AHNAK: variants seen among roughly 807,000 people sequenced by gnomAD.
The protein encoded by AHNAK is AHNAK nucleoprotein, also known as neuroblast differentiation-associated protein AHNAK.
In AHNAK, 23 loss-of-function variants were observed where a neutral mutation model predicts 37.8. The observed-to-expected ratio is 0.61, with a 90% CI of 0.44 to 0.86. The LOEUF is 0.86. Among genes scored for constraint, AHNAK ranks in the 40% least tolerant of loss-of-function variants. The pLI is 0.00. For synonymous variants in AHNAK, 2,481 were observed against 2,636.3 expected (o/e 0.94, Z 1.80); for missense variants, 7,411 against 7,319.4 (o/e 1.01, Z -0.46).
intron 4 of AHNAK, among the ~76,000 whole-genome samples, chr11:62,505,178 C>T (rs1024508364): frequency 7.9e-5 from 12 of 152,222 alleles, no homozygotes; most frequent in African/African-American, 2.6e-4. Flanking sequence ...TCAGCAGCTT[C>T]CCGACAGCCC....
chr11:62,535,007 A>G lies in AHNAK; in HGVS notation c.338T>C (p.Val113Ala). 1 of 1,607,028 alleles carries G rather than the reference A, an allele frequency of 6.2e-7. No individual in the cohort carries two copies. The highest frequency in any genetic ancestry group is 8.5e-7 in the Non-Finnish European group (1 of 1,174,680). ...ATGGGCCGGCGAGGTACTCACCAGA[A>G]CCACTTCAGAGCTGCAGGAGCTGAA... is the stretch of plus-strand genomic sequence containing the variant. ...EVFSSCSSEVVLSGDDEEYQR... is the reference protein window; with the variant it reads ...EVFSSCSSEVALSGDDEEYQR... Residue 113 changes from valine to alanine, a missense_variant, in exon 4 of 5, where the codon GTT (valine) becomes GCT (alanine). Val to Ala is a moderately conservative substitution (Grantham distance 64). Coordinates refer to ENST00000378024, the MANE Select transcript of AHNAK (RefSeq NM_001620.3).
intron 5 of AHNAK, among the ~76,000 whole-genome samples, chr11:62,467,134 G>T (rs1279979305): frequency 6.6e-6 from 1 of 150,876 alleles, no homozygotes; most frequent in Non-Finnish European, 1.5e-5. Context: ...AGCCCAGGAG[G>T]CAGAGAGGCA....
chr11:62,506,641 A>G (rs1238611183), intron 4 of AHNAK, among the ~76,000 whole-genome samples: 2 of 152,216 alleles, frequency 1.3e-5, no homozygotes, highest in East Asian at 1.9e-4. Context: ...GCAGGACGCC[A>G]TGGGCTTAGC....
Position 62,525,021 on chromosome 11 carries a change from C to A in AHNAK, c.9396G>T (p.Val3132=). ...CATCCACATCTGGGGCATTAATATC[C>A]ACTTTGGGGCCTTTAATATCCACGT... The part of the protein sequence containing the change: ...VPDVDIKGPK[V]DINAPDVDVQ... Residue 3132 remains valine, a synonymous_variant, in exon 5 of 5, where the codon GTG becomes GTT. Transcript: ENST00000378024. 6.2e-7 allele frequency: 1 copy of A among 1,613,224 alleles called. No individual in the cohort carries two copies. Among genetic ancestry groups the A allele is most frequent in the Admixed American group, 1.7e-5 (1 of 59,880 alleles).
At chr11:62,484,939 G>A (rs545402640) in intron 5 of AHNAK, among the ~76,000 whole-genome samples, 1 of 152,206 alleles carries the variant, frequency 6.6e-6, no homozygotes, top group East Asian at 1.9e-4. Flanking sequence ...ACAGGCACGC[G>A]CCACCACACC....
chr11:62,494,904 G>A (rs541834839), intron 4 of AHNAK, among the ~76,000 whole-genome samples: 1 of 151,274 alleles, frequency 6.6e-6, no homozygotes, highest in Non-Finnish European at 1.5e-5. Flanking sequence ...GGAGGCTGAG[G>A]CACGAGAATC....
intron 5 of AHNAK, among the ~76,000 whole-genome samples, chr11:62,451,949 A>G (rs966949430): frequency 6.6e-6 from 1 of 150,614 alleles, no homozygotes; most frequent in Admixed American, 6.6e-5. Flanking sequence ...CTGGGATTAC[A>G]GGCACCCGCC....
In AHNAK at chr11:62,522,201, T is replaced by C. The variant is rs1390066481; in HGVS notation, c.12216A>G (p.Gly4072=). ...CCACTTCTGGGCCCTCTCCTTTAAATCCTGGCATGCTGAATTTGGGCATTT... is the reference window on the plus strand; with the variant it reads ...CCACTTCTGGGCCCTCTCCTTTAAACCCTGGCATGCTGAATTTGGGCATTT... ...KVKMPKFSMP[G]FKGEGPEVDV... Residue 4072 remains glycine, a synonymous_variant, in exon 5 of 5, where the codon GGA becomes GGG. Transcript: ENST00000378024. 1 of 1,610,296 alleles carries C rather than the reference T, an allele frequency of 6.2e-7. No homozygotes were observed. Among genetic ancestry groups the C allele is most frequent in the East Asian group, 2.2e-5 (1 of 44,624 alleles).
At position 62,516,071 on chromosome 11, in the gene AHNAK, C is replaced by G; in HGVS notation, c.*673G>C. 1.6e-6 allele frequency: 2 copies of G among 1,217,714 alleles called. No individual in the cohort carries two copies. Among genetic ancestry groups the G allele is most frequent in the Non-Finnish European group, 1.0e-6 (1 of 952,648 alleles). The allele number at this position is 1,217,714 out of a possible 1,614,324, so 75.4% of individuals were successfully genotyped here. ...CGGCATGAAGGAAACAGTTCCCTTA[C>G]AAAACACAGAAAATGGAAGCCCCTC... On this transcript the variant is annotated 3_prime_UTR_variant, in exon 5 of 5. Coordinates refer to ENST00000378024, the MANE Select transcript of AHNAK (RefSeq NM_001620.3).
rs545616012 is a variant in AHNAK at position 62,466,969 on chromosome 11, T to C, written c.442+24763A>G. On this transcript the variant is annotated intron_variant, in intron 5 of 5. Transcript: ENST00000257247. ...ACTCATTATGATCCCTAAGTATCTCTTTTAAAAGACCTGGTTTACTTGGTT... is the reference window on the plus strand; with the variant it reads ...ACTCATTATGATCCCTAAGTATCTCCTTTAAAAGACCTGGTTTACTTGGTT... Among the ~76,000 whole-genome samples, 12 of 152,346 alleles carry C rather than the reference T, an allele frequency of 7.9e-5. 1 individual carries two copies. In the South Asian group the frequency reaches 2.5e-3, roughly 32 times the overall value.
chr11:62,538,290 C>G (rs570661312), intron 1 of AHNAK, among the ~76,000 whole-genome samples: 44 of 152,266 alleles, frequency 2.9e-4, no homozygotes, highest in Admixed American at 1.8e-3. Context: ...TCAGGCCTCC[C>G]GGCTGCCACA....
intron 5 of AHNAK, among the ~76,000 whole-genome samples, chr11:62,450,252 G>C (rs1938507589): frequency 6.6e-6 from 1 of 151,928 alleles, no homozygotes; most frequent in Admixed American, 6.6e-5. Context: ...CTGCCTCCTG[G>C]GTTCAAGCAA....
chr11:62,478,010 G>A (rs907003990), intron 5 of AHNAK, among the ~76,000 whole-genome samples: 9 of 152,058 alleles, frequency 5.9e-5, no homozygotes, highest in East Asian at 1.9e-4. Flanking sequence ...GGTGAAGCCC[G>A]GGACCTGTAC....
Position 62,527,595 on chromosome 11 carries a change from G to A in AHNAK, c.6822C>T (p.Val2274=), listed in dbSNP as rs767136709. 1.2e-6 allele frequency: 2 copies of A among 1,613,522 alleles called. No homozygotes were observed. The highest frequency in any genetic ancestry group is 1.7e-6 in the Non-Finnish European group (2 of 1,179,956). Residue 2274 remains valine (V), a synonymous_variant, in exon 5 of 5, where the codon GTC becomes GTT. Transcript: ENST00000378024. ...CTTCAACATCCACCTTGGGTCCTGAGACATCAACGTCAGCCTTGGGCAAGT... is the reference window on the plus strand; with the variant it reads ...CTTCAACATCCACCTTGGGTCCTGAAACATCAACGTCAGCCTTGGGCAAGT... ...DVNLPKADVD[V]SGPKVDVEVP...
intron 5 of AHNAK, among the ~76,000 whole-genome samples, chr11:62,474,477 G>A (rs1043537101): frequency 2.8e-4 from 43 of 152,070 alleles, no homozygotes; most frequent in African/African-American, 9.4e-4. Context: ...CACCACACCC[G>A]GCCCTCAGAA....
chr11:62,451,000 G>C lies in AHNAK; in HGVS notation c.443-17109C>G, dbSNP rs544462943. ...GCGGGAGGAGAAGAGATGAGACGGA[G>C]ACCCATCTTTGGTACATGGAGATGA... On this transcript the variant is annotated intron_variant, in intron 5 of 5. Coordinates refer to the AHNAK transcript ENST00000257247. Among the ~76,000 whole-genome samples, 14 of 151,722 alleles carry C rather than the reference G, an allele frequency of 9.2e-5. No individual in the cohort carries two copies. In the East Asian group the frequency reaches 2.5e-3, roughly 27 times the overall value.
chr11:62,437,515 T>G (rs1397901071), intron 5 of AHNAK, among the ~76,000 whole-genome samples: 1 of 19,642 alleles, frequency 5.1e-5, no homozygotes. Flanking sequence ...TCTGCCACAC[T>G]CAGCTAATTT....
At chr11:62,502,269 A>G (rs1009392255) in intron 4 of AHNAK, among the ~76,000 whole-genome samples, 2 of 152,256 alleles carry the variant, frequency 1.3e-5, no homozygotes, top group Non-Finnish European at 2.9e-5. Flanking sequence ...AACAGGGCAC[A>G]GAATTTAGCT....
rs546319879 is a variant in AHNAK at position 62,536,964 on chromosome 11, T to A, written c.-99-397A>T. On this transcript the variant is annotated intron_variant, in intron 1 of 4. Transcript: ENST00000378024. ...GTATTTTATTTATTTTATTTATTTT[T>A]TTTTTTTTGAGACAGAGTCTCGTTC... Among the ~76,000 whole-genome samples the A allele has an allele frequency of 6.6e-3, 1,005 of 151,690 alleles. 12 individuals are homozygous for A. The highest frequency in any genetic ancestry group is 8.5e-3 in the Non-Finnish European group (576 of 67,844).
Sources: gnomAD v4.1 joint callset for allele counts (sites outside exome capture counted in the v4.1 genomes callset) on GRCh38, gnomAD v4.1.1 for gene constraint, MANE v1.5 for transcripts, NCBI Gene and HGNC (gene_info 2026-07-23, HGNC 2026-07-21) for gene names.